Variants in EXOSC6 observed in about 807,000 individuals in gnomAD.
EXOSC6 encodes exosome component 6, also known as exosome complex component MTR3.
Under a neutral mutation model 16.7 loss-of-function variants are expected in EXOSC6, and 21 were observed. The observed-to-expected ratio is 1.26, with a 90% CI of 0.89 to 1.82. The LOEUF is 1.82. Ranked by LOEUF, EXOSC6 falls within the 40% of genes most tolerant of loss-of-function variation. EXOSC6 has a pLI of 0.00. For synonymous variants in EXOSC6, 297 were observed against 217.1 expected (o/e 1.37, Z -3.24); for missense variants, 538 against 415.7 (o/e 1.29, Z -2.56).
At position 70,250,126 on chromosome 16, in the gene EXOSC6, T is replaced by A. The variant is rs1276440797; in HGVS notation, c.*956A>T. ...AAAGCCTTCCACTAGAAACTAAAAA[T>A]AATAATAATAATAATAATGGTTTTA... On this transcript the variant is annotated 3_prime_UTR_variant, in exon 1 of 1. Coordinates refer to ENST00000435634, the MANE Select transcript of EXOSC6 (RefSeq NM_058219.3). 1 of 78,270 alleles carries A rather than the reference T, an allele frequency of 1.3e-5. No homozygotes were observed. Among genetic ancestry groups the A allele is most frequent in the Admixed American group, 1.5e-4 (1 of 6,884 alleles). 4.8% of individuals were successfully genotyped at this position (78,270 alleles called of 1,614,324 possible).
In EXOSC6 at chr16:70,248,771, C is replaced by CTTTTTTT. The variant is rs35401075; in HGVS notation, c.*2304_*2310dup. On this transcript the variant is annotated 3_prime_UTR_variant, in exon 1 of 1. Coordinates refer to ENST00000435634, the MANE Select transcript of EXOSC6 (RefSeq NM_058219.3). ...CACCATGCCTGACTTATTTTTTTTC[C>CTTTTTTT]TTTTTTTTTTTTTTTTTTTTTTTTG... 5.1e-5 allele frequency: 5 copies of CTTTTTTT among 98,134 alleles called. No individual in the cohort carries two copies. Among genetic ancestry groups the CTTTTTTT allele is most frequent in the Admixed American group, 1.2e-4 (1 of 8,152 alleles). The allele number at this position is 98,134 out of a possible 1,614,324, so 6.1% of individuals were successfully genotyped here.
At position 70,248,591 on chromosome 16, in the gene EXOSC6, G is replaced by A. The variant is rs1327066714; in HGVS notation, c.*2491C>T. 1.1e-4 allele frequency: 16 copies of A among 151,952 alleles called. No homozygotes were observed. Among genetic ancestry groups the A allele is most frequent in the Admixed American group, 7.9e-4 (12 of 15,264 alleles). The allele number at this position is 151,952 out of a possible 1,614,324, so 9.4% of individuals were successfully genotyped here. ...ATTTTTCTCAAACCTCTATAATCAA[G>A]GGGAAAAATGTTTTGTTTTGCTTTG... On this transcript the variant is annotated 3_prime_UTR_variant, in exon 1 of 1. Transcript: ENST00000435634.
At position 70,249,005 on chromosome 16, in the gene EXOSC6, CA is replaced by C. The variant is rs905918409; in HGVS notation, c.*2076del. ...ACTACATACCCAAAATAAAGCATATCAAAAACTGTAAAAAAAAAAAAAAAAA... is the reference window on the plus strand; with the variant it reads ...ACTACATACCCAAAATAAAGCATATCAAAACTGTAAAAAAAAAAAAAAAAA... On this transcript the variant is annotated 3_prime_UTR_variant, in exon 1 of 1. Coordinates refer to ENST00000435634, the MANE Select transcript of EXOSC6 (RefSeq NM_058219.3). 9.2e-6 allele frequency: 1 copy of C among 109,178 alleles called. No homozygotes were observed. The highest frequency in any genetic ancestry group is 1.8e-5 in the Non-Finnish European group (1 of 56,284). 6.8% of individuals were successfully genotyped at this position (109,178 alleles called of 1,614,324 possible).
rs1399894659 is a variant in EXOSC6, at chr16:70,251,492, C to T, written c.409G>A (p.Gly137Ser). 8 of 1,310,170 alleles carry T rather than the reference C, an allele frequency of 6.1e-6. No individual in the cohort carries two copies. The Admixed American group carries it at 2.6e-4, about 42-fold the overall frequency. 81.2% of individuals were successfully genotyped at this position (1,310,170 alleles called of 1,614,324 possible). ...TCGAGCTGCGCGCGCGGGTAGCGGC[C>T]CAGGCGCACAGCCGGCTCCAGCGCC... ...QEALEPAVRL[G>S]RYPRAQLEVS... The change falls in exon 1 of 1, where the codon GGC becomes AGC. Residue 137 changes from glycine to serine, a missense_variant. Coordinates refer to ENST00000435634, the MANE Select transcript of EXOSC6 (RefSeq NM_058219.3).
At position 70,251,833 on chromosome 16, in the gene EXOSC6, T is replaced by C. The variant is rs1432762664; in HGVS notation, c.68A>G (p.Asp23Gly). 6.5e-7 allele frequency: 1 copy of C among 1,543,464 alleles called. No homozygotes were observed. The highest frequency in any genetic ancestry group is 1.9e-5 in the Admixed American group (1 of 53,070). ...GCGGGTGCCGGGCGCCTCCTCCTCG[T>C]CGGCCGCGTACAGCTGCGGCGGCTG... ...ESQPPQLYAA[D>G]EEEAPGTRDP... The change falls in exon 1 of 1, where the codon GAC becomes GGC. Residue 23 changes from aspartate to glycine, a missense_variant. By Grantham distance (94) the Asp-to-Gly change is moderately conservative. Coordinates refer to ENST00000435634, the MANE Select transcript of EXOSC6 (RefSeq NM_058219.3).
In EXOSC6 at chr16:70,250,882, G is replaced by T; in HGVS notation, c.*200C>A. 1.8e-6 allele frequency: 1 copy of T among 555,760 alleles called. No homozygotes were observed. The highest frequency in any genetic ancestry group is 2.8e-6 in the Non-Finnish European group (1 of 356,654). 34.4% of individuals were successfully genotyped at this position (555,760 alleles called of 1,614,324 possible). On this transcript the variant is annotated 3_prime_UTR_variant, in exon 1 of 1. Coordinates refer to ENST00000435634, the MANE Select transcript of EXOSC6 (RefSeq NM_058219.3). ...CACAAGCGCAGCTCCAGGGGCTGTT[G>T]AGTTTTGCCTTTATCATTCCAAGTA...
Position 70,250,921 on chromosome 16 carries a change from AC to A in EXOSC6, c.*160del. The A allele has an allele frequency of 2.2e-6, 2 of 895,506 alleles. No individual in the cohort carries two copies. The highest frequency in any genetic ancestry group is 3.1e-6 in the Non-Finnish European group (2 of 647,656). 55.5% of individuals were successfully genotyped at this position (895,506 alleles called of 1,614,324 possible). A position where few individuals can be genotyped will look rare whatever the true frequency, so the allele number is the denominator to read the frequency against. On this transcript the variant is annotated 3_prime_UTR_variant, in exon 1 of 1. Transcript: ENST00000435634. ...TCATTCCAAGTAGTCCCTGCTCCAG[AC>A]CAAGTCCCACCATCTGGCAGTCAGG...
Position 70,251,488 on chromosome 16 carries a change from C to A in EXOSC6, c.413G>T (p.Arg138Leu). ...CACCTCGAGCTGCGCGCGCGGGTAG[C>A]GGCCCAGGCGCACAGCCGGCTCCAG... The part of the protein sequence containing the change: ...EALEPAVRLG[R>L]YPRAQLEVSA... Residue 138 changes from arginine to leucine, a missense_variant, in exon 1 of 1, where the codon CGC (arginine) becomes CTC (leucine). Coordinates refer to ENST00000435634, the MANE Select transcript of EXOSC6 (RefSeq NM_058219.3). The A allele has an allele frequency of 7.6e-7, 1 of 1,312,454 alleles. No individual in the cohort carries two copies. Among genetic ancestry groups the A allele is most frequent in the Non-Finnish European group, 9.7e-7 (1 of 1,028,122 alleles). 81.3% of individuals were successfully genotyped at this position (1,312,454 alleles called of 1,614,324 possible).
At position 70,251,489 on chromosome 16, in the gene EXOSC6, G is replaced by A. The variant is rs1290982018; in HGVS notation, c.412C>T (p.Arg138Cys). The change falls in exon 1 of 1, where the codon CGC becomes TGC. Residue 138 changes from arginine to cysteine, a missense_variant. By Grantham distance (180) the Arg-to-Cys change is radical. Transcript: ENST00000435634. ...EALEPAVRLG[R>C]YPRAQLEVSA... ...ACCTCGAGCTGCGCGCGCGGGTAGC[G>A]GCCCAGGCGCACAGCCGGCTCCAGC... The A allele has an allele frequency of 1.5e-6, 2 of 1,315,486 alleles. No homozygotes were observed. The highest frequency in any genetic ancestry group is 1.9e-6 in the Non-Finnish European group (2 of 1,029,306). The allele number at this position is 1,315,486 out of a possible 1,614,324, so 81.5% of individuals were successfully genotyped here. A position where few individuals can be genotyped will look rare whatever the true frequency, so the allele number is the denominator to read the frequency against.
rs971633031 is a variant in EXOSC6 at position 70,249,645 on chromosome 16, T to C, written c.*1437A>G. On this transcript the variant is annotated 3_prime_UTR_variant, in exon 1 of 1. Coordinates refer to ENST00000435634, the MANE Select transcript of EXOSC6 (RefSeq NM_058219.3). Reference sequence around the variant, plus strand: ...CTATTTTCAAATTTGCAAATCATTCTGGTGCTAAGCAATCTCAAAAAAAAC... The same window carrying C: ...CTATTTTCAAATTTGCAAATCATTCCGGTGCTAAGCAATCTCAAAAAAAAC... 4 of 152,110 alleles carry C rather than the reference T, an allele frequency of 2.6e-5. No homozygotes were observed. Among genetic ancestry groups the C allele is most frequent in the Non-Finnish European group, 5.9e-5 (4 of 68,016 alleles). The allele number at this position is 152,110 out of a possible 1,614,324, so 9.4% of individuals were successfully genotyped here. A position where few individuals can be genotyped will look rare whatever the true frequency, so the allele number is the denominator to read the frequency against.
Position 70,251,670 on chromosome 16 carries a change from G to A in EXOSC6, c.231C>T (p.Arg77=). Residue 77 remains arginine (R), a synonymous_variant, in exon 1 of 1, where the codon CGC becomes CGT. Coordinates refer to ENST00000435634, the MANE Select transcript of EXOSC6 (RefSeq NM_058219.3). ...SGPRQAEGGE[R]GGGPAGAGGE... ...CGCCTGCTCCGGCCGGGCCGCCGCCGCGCTCGCCGCCCTCGGCCTGTCGCG... is the reference window on the plus strand; with the variant it reads ...CGCCTGCTCCGGCCGGGCCGCCGCCACGCTCGCCGCCCTCGGCCTGTCGCG... 1.6e-6 allele frequency: 2 copies of A among 1,230,256 alleles called. No homozygotes were observed. The highest frequency in any genetic ancestry group is 1.0e-6 in the Non-Finnish European group (1 of 988,930). The allele number at this position is 1,230,256 out of a possible 1,614,324, so 76.2% of individuals were successfully genotyped here. A position where few individuals can be genotyped will look rare whatever the true frequency, so the allele number is the denominator to read the frequency against.
rs772466332 is a variant in EXOSC6, at chr16:70,249,686, G to A, written c.*1396C>T. The A allele has an allele frequency of 6.6e-6, 1 of 151,952 alleles. No individual in the cohort carries two copies. The highest frequency in any genetic ancestry group is 2.4e-5 in the African/African-American group (1 of 41,370). 9.4% of individuals were successfully genotyped at this position (151,952 alleles called of 1,614,324 possible). A position where few individuals can be genotyped will look rare whatever the true frequency, so the allele number is the denominator to read the frequency against. On this transcript the variant is annotated 3_prime_UTR_variant, in exon 1 of 1. Transcript: ENST00000435634. ...CAAAAAAAACATTTACTAAAAACCA[G>A]AGGAAAAAAATCTTATAACTTTGGG...
rs1959812694 is a variant in EXOSC6, at chr16:70,251,312, G to A, written c.589C>T (p.Leu197=). 3.6e-6 allele frequency: 5 copies of A among 1,393,536 alleles called. No individual in the cohort carries two copies. Among genetic ancestry groups the A allele is most frequent in the Non-Finnish European group, 4.6e-6 (5 of 1,079,942 alleles). 86.3% of individuals were successfully genotyped at this position (1,393,536 alleles called of 1,614,324 possible). ...LAPGPAPTWL[L]DPTRLEEERA... Reference sequence around the variant, plus strand: ...TCTTCCTCGAGCCGCGTGGGGTCCAGGAGCCAGGTGGGCGCGGGCCCCGGC... The same window carrying A: ...TCTTCCTCGAGCCGCGTGGGGTCCAAGAGCCAGGTGGGCGCGGGCCCCGGC... The change falls in exon 1 of 1, where the codon CTG becomes TTG. Residue 197 remains leucine (L), a synonymous_variant. Transcript: ENST00000435634.
rs965395411 is a variant in EXOSC6, at chr16:70,247,319, T to C, written c.*3763A>G. 1 of 154,124 alleles carries C rather than the reference T, an allele frequency of 6.5e-6. No homozygotes were observed. The highest frequency in any genetic ancestry group is 1.4e-5 in the Non-Finnish European group (1 of 69,608). 9.5% of individuals were successfully genotyped at this position (154,124 alleles called of 1,614,324 possible). A position where few individuals can be genotyped will look rare whatever the true frequency, so the allele number is the denominator to read the frequency against. ...AAGATGTTAAGCTAAAAACAAATAC[T>C]GTTTTCTCTTCTTCAATGTTTGTTA... is the stretch of plus-strand genomic sequence containing the variant. On this transcript the variant is annotated 3_prime_UTR_variant, in exon 1 of 1. Transcript: ENST00000435634.
In EXOSC6 at chr16:70,251,204, G is replaced by T. The variant is rs1167749115; in HGVS notation, c.697C>A (p.Leu233Met). 84 of 1,511,306 alleles carry T rather than the reference G, an allele frequency of 5.6e-5. No homozygotes were observed. Among genetic ancestry groups the T allele is most frequent in the Non-Finnish European group, 7.1e-5 (81 of 1,137,550 alleles). The allele number at this position is 1,511,306 out of a possible 1,614,324, so 93.6% of individuals were successfully genotyped here. A position where few individuals can be genotyped will look rare whatever the true frequency, so the allele number is the denominator to read the frequency against. The change falls in exon 1 of 1, where the codon CTG becomes ATG. Residue 233 changes from leucine (L) to methionine (M), a missense_variant. Transcript: ENST00000435634. Reference protein sequence around the residue: ...AGLLGSGEGGLTESWAEAVRL... With the variant: ...AGLLGSGEGGMTESWAEAVRL... ...ACGGCCTCCGCCCAGCTCTCTGTCA[G>T]GCCGCCCTCGCCGCTGCCCAGCAGC...
rs908287865 is a variant in EXOSC6 at position 70,248,308 on chromosome 16, T to C, written c.*2774A>G. 4 of 151,966 alleles carry C rather than the reference T, an allele frequency of 2.6e-5. No homozygotes were observed. The highest frequency in any genetic ancestry group is 9.7e-5 in the African/African-American group (4 of 41,202). 9.4% of individuals were successfully genotyped at this position (151,966 alleles called of 1,614,324 possible). On this transcript the variant is annotated 3_prime_UTR_variant, in exon 1 of 1. Coordinates refer to ENST00000435634, the MANE Select transcript of EXOSC6 (RefSeq NM_058219.3). ...ATGGGTTGAACTGTCATCATGTGTATGGTTTTCAGATGCTCAACAAAAGTG... is the reference window on the plus strand; with the variant it reads ...ATGGGTTGAACTGTCATCATGTGTACGGTTTTCAGATGCTCAACAAAAGTG...
rs562892611 is a variant in EXOSC6 at position 70,250,868 on chromosome 16, C to T, written c.*214G>A. On this transcript the variant is annotated 3_prime_UTR_variant, in exon 1 of 1. Coordinates refer to ENST00000435634, the MANE Select transcript of EXOSC6 (RefSeq NM_058219.3). ...GGGTCCAGCTCCACCACAAGCGCAGCTCCAGGGGCTGTTGAGTTTTGCCTT... is the reference window on the plus strand; with the variant it reads ...GGGTCCAGCTCCACCACAAGCGCAGTTCCAGGGGCTGTTGAGTTTTGCCTT... The T allele has an allele frequency of 8.2e-5, 41 of 502,810 alleles. No individual in the cohort carries two copies. Among genetic ancestry groups the T allele is most frequent in the Admixed American group, 2.6e-4 (6 of 23,042 alleles). The allele number at this position is 502,810 out of a possible 1,614,324, so 31.1% of individuals were successfully genotyped here. A position where few individuals can be genotyped will look rare whatever the true frequency, so the allele number is the denominator to read the frequency against.
rs1261384929 is a variant in EXOSC6 at position 70,247,595 on chromosome 16, G to C, written c.*3487C>G. On this transcript the variant is annotated 3_prime_UTR_variant, in exon 1 of 1. Coordinates refer to ENST00000435634, the MANE Select transcript of EXOSC6 (RefSeq NM_058219.3). ...ACACATGAATAACATGCAGGCTCAG[G>C]TTACCATTATACATAAATTTTTAAA... 6.6e-6 allele frequency: 1 copy of C among 152,062 alleles called. No homozygotes were observed. Among genetic ancestry groups the C allele is most frequent in the South Asian group, 2.1e-4 (1 of 4,824 alleles). 9.4% of individuals were successfully genotyped at this position (152,062 alleles called of 1,614,324 possible).
Position 70,251,887 on chromosome 16 carries a change from T to A in EXOSC6, c.14A>T (p.His5Leu), listed in dbSNP as rs529346561. 5 of 1,540,036 alleles carry A rather than the reference T, an allele frequency of 3.2e-6. No homozygotes were observed. The highest frequency in any genetic ancestry group is 3.5e-6 in the Non-Finnish European group (4 of 1,153,430). Residue 5 changes from histidine (H) to leucine (L), a missense_variant, in exon 1 of 1, where the codon CAC (histidine) becomes CTC (leucine). By Grantham distance (99) the His-to-Leu change is moderately conservative. Coordinates refer to ENST00000435634, the MANE Select transcript of EXOSC6 (RefSeq NM_058219.3). MPGD[H>L]RRIRGPEESQ... ...TTCTTCAGGGCCGCGGATGCGGCGG[T>A]GATCCCCAGGCATGGCGGTTCTTGG...
Sources: allele counts gnomAD v4.1 joint callset, GRCh38; gene constraint gnomAD v4.1.1; transcripts MANE v1.5; gene names NCBI Gene and HGNC (gene_info 2026-07-23, HGNC 2026-07-21).